Variants in PLPPR1 observed in about 807,000 individuals in gnomAD.
PLPPR1 encodes phospholipid phosphatase related 1.
PLPPR1 carries 10 observed loss-of-function variants against 33.1 expected under a neutral mutation model. The ratio of observed to expected loss-of-function variants is 0.30; its 90% CI spans 0.19 to 0.51. PLPPR1 has a LOEUF of 0.51. PLPPR1 is among the 20% of genes least tolerant of loss of function. The pLI is 0.97. For synonymous variants in PLPPR1, 151 were observed against 151.0 expected, an observed-to-expected ratio of 1.00 and a Z score of 0.00; for missense variants, 304 against 408.1, an observed-to-expected ratio of 0.74 and a Z score of 2.20.
intron 1 of PLPPR1, among the ~76,000 whole-genome samples, chr9:101,045,159 G>A (rs920042659): frequency 2.0e-5 from 3 of 152,190 alleles, no homozygotes; most frequent in African/African-American, 7.2e-5. Flanking sequence ...CAAACTCAGT[G>A]CCAAAAGAAG....
intron 1 of PLPPR1, among the ~76,000 whole-genome samples, chr9:101,044,972 A>G (rs1830126961): frequency 6.6e-6 from 1 of 152,210 alleles, no homozygotes; most frequent in South Asian, 2.1e-4. Flanking sequence ...GAAGATTCTC[A>G]GCCTTGATTT....
At chr9:101,163,560 T>C (rs1370463872) in intron 1 of PLPPR1, among the ~76,000 whole-genome samples, 4 of 152,052 alleles carry the variant, frequency 2.6e-5, no homozygotes, top group Non-Finnish European at 5.9e-5. Context: ...GGTGATGGGG[T>C]TGGTGCTGAT....
At chr9:101,150,805 C>G (rs1831573747) in intron 1 of PLPPR1, among the ~76,000 whole-genome samples, 2 of 151,980 alleles carry the variant, frequency 1.3e-5, no homozygotes, top group Admixed American at 6.6e-5. Context: ...CAGGATATGA[C>G]CTGCTTCTTT....
intron 1 of PLPPR1, among the ~76,000 whole-genome samples, chr9:101,119,868 A>C (rs947581569): frequency 6.6e-6 from 1 of 151,988 alleles, no homozygotes; most frequent in Non-Finnish European, 1.5e-5. Context: ...CAAACCACCC[A>C]TTTCTGTCTC....
intron 1 of PLPPR1, among the ~76,000 whole-genome samples, chr9:101,124,549 T>C (rs1267799205): frequency 6.6e-6 from 1 of 152,092 alleles, no homozygotes; most frequent in African/African-American, 2.4e-5. Flanking sequence ...TATTAGTAAA[T>C]CTAATGAAAC....
chr9:101,268,232 C>A (rs1024000963), intron 2 of PLPPR1, among the ~76,000 whole-genome samples: 2 of 150,122 alleles, frequency 1.3e-5, no homozygotes, highest in Middle Eastern at 3.5e-3. Flanking sequence ...GCACATGTAC[C>A]CTAAAGTAAA....
chr9:101,292,828 C>T (rs1236156057), intron 4 of PLPPR1, among the ~76,000 whole-genome samples: 4 of 151,790 alleles, frequency 2.6e-5, no homozygotes, highest in African/African-American at 7.3e-5. Flanking sequence ...AAGGAACAAC[C>T]AGTACCAGCC....
rs1213872748 is a variant in PLPPR1 at position 101,101,375 on chromosome 9, T to C, written c.-46+72273T>C. ...TAATACTAAAGGAAATGTGGTCCTGTCCTGAAAATGAGTGTTTACTGTCAA... is the reference window on the plus strand; with the variant it reads ...TAATACTAAAGGAAATGTGGTCCTGCCCTGAAAATGAGTGTTTACTGTCAA... On this transcript the variant is annotated intron_variant, in intron 1 of 7. Coordinates refer to ENST00000374874, the MANE Select transcript of PLPPR1 (RefSeq NM_207299.2). Among the ~76,000 whole-genome samples the C allele has an allele frequency of 2.6e-5, 4 of 152,106 alleles. No homozygotes were observed. In the East Asian group the frequency reaches 7.7e-4, roughly 29 times the overall value.
chr9:101,136,347 T>C (rs986327302), intron 1 of PLPPR1, among the ~76,000 whole-genome samples: 1 of 152,224 alleles, frequency 6.6e-6, no homozygotes, highest in Non-Finnish European at 1.5e-5. Context: ...AGTAAATACA[T>C]GTATGTACAC....
At chr9:101,065,937 T>C (rs1198467935) in intron 1 of PLPPR1, among the ~76,000 whole-genome samples, 1 of 152,082 alleles carries the variant, frequency 6.6e-6, no homozygotes, top group Non-Finnish European at 1.5e-5. Flanking sequence ...CTATGGTACT[T>C]TTGTCCCAAT....
intron 5 of PLPPR1, among the ~76,000 whole-genome samples, chr9:101,311,785 A>G (rs1335490991): frequency 6.6e-6 from 1 of 152,244 alleles, no homozygotes; most frequent in Non-Finnish European, 1.5e-5. Flanking sequence ...CCATATACAC[A>G]TACTATATAA....
chr9:101,113,291 A>G (rs2118579402), intron 1 of PLPPR1, among the ~76,000 whole-genome samples: 1 of 152,254 alleles, frequency 6.6e-6, no homozygotes, highest in South Asian at 2.1e-4. Context: ...CTTGAACCAA[A>G]ACTAAACGAA....
intron 1 of PLPPR1, among the ~76,000 whole-genome samples, chr9:101,118,099 T>C (rs968513544): frequency 1.3e-5 from 2 of 152,200 alleles, no homozygotes; most frequent in African/African-American, 4.8e-5. Flanking sequence ...TTACCTAAGA[T>C]ACAGTGCAGC....
chr9:101,164,896 A>G (rs1463013473), intron 1 of PLPPR1, among the ~76,000 whole-genome samples: 2 of 152,076 alleles, frequency 1.3e-5, no homozygotes, highest in Non-Finnish European at 2.9e-5. Context: ...ATGATTGACT[A>G]TGCATTAATC....
intron 1 of PLPPR1, among the ~76,000 whole-genome samples, chr9:101,076,093 G>A (rs1055712791): frequency 2.6e-5 from 4 of 152,216 alleles, no homozygotes; most frequent in Admixed American, 2.0e-4. Context: ...CACTGGACCA[G>A]CAGCATCAAT....
chr9:101,229,437 A>G (rs1827138597), intron 2 of PLPPR1, among the ~76,000 whole-genome samples: 1 of 152,102 alleles, frequency 6.6e-6, no homozygotes, highest in African/African-American at 2.4e-5. Context: ...TAAAACCAAT[A>G]CATATAAAAT....
At chr9:101,166,128 G>T (rs530306871) in intron 1 of PLPPR1, among the ~76,000 whole-genome samples, 1 of 152,312 alleles carries the variant, frequency 6.6e-6, no homozygotes, top group South Asian at 2.1e-4. Flanking sequence ...CCCAGGCCCT[G>T]CCTCTTCTCC....
chr9:101,100,697 CGTGTGTGTGT>C lies in PLPPR1; in HGVS notation c.-46+71622_-46+71631del, dbSNP rs56760066. On this transcript the variant is annotated intron_variant, in intron 1 of 7. Transcript: ENST00000374874. ...ATCAGAAACTATTTACTCTTTGTTC[CGTGTGTGTGT>C]GTGTGTGTGTGTGTGTGTGTGTGTG... is the stretch of plus-strand genomic sequence containing the variant. 6.7e-4 allele frequency among the ~76,000 whole-genome samples: 99 copies of C among 146,940 alleles called. 2 individuals are homozygous for C. The South Asian group carries it at 7.0e-3, about 10-fold the overall frequency.
At chr9:101,280,727 A>G (rs1828282977) in intron 3 of PLPPR1, among the ~76,000 whole-genome samples, 1 of 152,150 alleles carries the variant, frequency 6.6e-6, no homozygotes, top group Non-Finnish European at 1.5e-5. Context: ...GCATCCTTTC[A>G]TAATTAAAAA....
Sources: gnomAD v4.1 joint callset for allele counts (sites outside exome capture counted in the v4.1 genomes callset) on GRCh38, gnomAD v4.1.1 for gene constraint, MANE v1.5 for transcripts, NCBI Gene and HGNC (gene_info 2026-07-23, HGNC 2026-07-21) for gene names.